The following AGAP1 variants were observed in gnomAD, a reference collection of about 807,000 sequenced individuals.
AGAP1 encodes ArfGAP with GTPase domain, ankyrin repeat and PH domain 1, also known as arf-GAP with GTPase, ANK repeat and PH domain-containing protein 1.
Under a neutral mutation model 105.3 loss-of-function variants are expected in AGAP1, and 29 were observed. The observed-to-expected ratio is 0.28, with a 90% CI of 0.21 to 0.38. The LOEUF (loss-of-function observed/expected upper bound fraction) is 0.38. AGAP1 is among the 10% of genes least tolerant of loss of function. AGAP1 has a pLI of 1.00. For synonymous variants in AGAP1, 509 were observed against 485.9 expected, an observed-to-expected ratio of 1.05 and a Z score of -0.63; for missense variants, 998 against 1,165.1, an observed-to-expected ratio of 0.86 and a Z score of 2.09.
At position 236,078,353 on chromosome 2, in the gene AGAP1, C is replaced by T. The variant is rs2058698489; in HGVS notation, c.2114+29072C>T. On this transcript the variant is annotated intron_variant, in intron 16 of 17. Coordinates refer to ENST00000304032, the MANE Select transcript of AGAP1 (RefSeq NM_001037131.3). This position sits in a 1 kb window ranked among gnomAD's most constrained non-coding sequence, Gnocchi z 5.3. ...CCACCTGCTTTCTCAAGGATAATTG[C>T]CTTTGTTTGGAGTCCATGGACTATA... Among the ~76,000 whole-genome samples the T allele has an allele frequency of 6.6e-6, 1 of 152,062 alleles. No homozygotes were observed. The highest frequency in any genetic ancestry group is 1.5e-5 in the Non-Finnish European group (1 of 68,018).
At chr2:235,946,493 T>C (rs76949347) in intron 12 of AGAP1, among the ~76,000 whole-genome samples, 2,489 of 152,210 alleles carry the variant, frequency 0.016, 22 homozygotes, top group Non-Finnish European at 0.027. Context: ...CTTAAACATG[T>C]AATATGTCCA....
chr2:236,072,624 A>G (rs1227188787), intron 16 of AGAP1: 1 of 152,112 alleles, frequency 6.6e-6, no homozygotes, highest in Non-Finnish European at 1.5e-5. Context: ...TAATTTATTT[A>G]TTTATGTAGG....
intron 16 of AGAP1, among the ~76,000 whole-genome samples, chr2:236,052,553 C>T (rs1266991424): frequency 6.6e-6 from 1 of 152,200 alleles, no homozygotes; most frequent in Non-Finnish European, 1.5e-5. Flanking sequence ...GCCGTTCAAA[C>T]TTGAGCAGCA....
At chr2:235,505,058 C>G (rs1941737058) in intron 1 of AGAP1, among the ~76,000 whole-genome samples, 1 of 152,166 alleles carries the variant, frequency 6.6e-6, no homozygotes, top group African/African-American at 2.4e-5. Context: ...TGGCTGAGCC[C>G]CAAGCAGCCT....
rs116649938 is a variant in AGAP1 at position 235,751,101 on chromosome 2, T to C, written c.673+613T>C. ...ATTCTCCTAGGAGAGCATGAGGTTCTGCAAGAGGGTCACATACTTGTGGAT... is the reference window on the plus strand; with the variant it reads ...ATTCTCCTAGGAGAGCATGAGGTTCCGCAAGAGGGTCACATACTTGTGGAT... On this transcript the variant is annotated intron_variant, in intron 6 of 17. Transcript: ENST00000304032. This position sits in a 1 kb window ranked among gnomAD's most constrained non-coding sequence, Gnocchi z 5.3. 0.018 allele frequency among the ~76,000 whole-genome samples: 2,675 copies of C among 152,244 alleles called. 36 individuals are homozygous for C. Among genetic ancestry groups the C allele is most frequent in the Middle Eastern group, 0.041 (12 of 294 alleles).
rs146567549 is a variant in AGAP1, at chr2:235,839,837, T to C, written c.1050+32506T>C. Among the ~76,000 whole-genome samples the C allele has an allele frequency of 6.8e-4, 103 of 152,290 alleles. 1 individual carries two copies. In the East Asian group the frequency reaches 0.016, roughly 24 times the overall value. ...ATGGTTTTTTATTTGCAGATTATCATTTGAAAGACATTTTGGTAGCCTGAT... is the reference window on the plus strand; with the variant it reads ...ATGGTTTTTTATTTGCAGATTATCACTTGAAAGACATTTTGGTAGCCTGAT... On this transcript the variant is annotated intron_variant, in intron 9 of 17. Coordinates refer to ENST00000304032, the MANE Select transcript of AGAP1 (RefSeq NM_001037131.3).
At chr2:235,572,976 T>TTTCTTCTTCTTCTTCTTCTTC in intron 1 of AGAP1, among the ~76,000 whole-genome samples, 1 of 104,070 alleles carries the variant, frequency 9.6e-6, no homozygotes, top group Admixed American at 9.4e-5. Flanking sequence ...CTCCATCTTT[T>TTTCTTCTTCTTCTTCTTCTTC]TTCTTCTTCT....
At position 235,901,858 on chromosome 2, in the gene AGAP1, G is replaced by A. The variant is rs1294715710; in HGVS notation, c.1156-6880G>A. On this transcript the variant is annotated intron_variant, in intron 10 of 17. Transcript: ENST00000304032. The surrounding 1 kb of genome is among the most constrained non-coding windows in gnomAD (Gnocchi z 4.3). ...CACACCACTGTACTCCAGCCTGGGC[G>A]ACAGAGTGAGACTCCGTCTCGGAAA... Among the ~76,000 whole-genome samples, 4 of 147,954 alleles carry A rather than the reference G, an allele frequency of 2.7e-5. No homozygotes were observed. The highest frequency in any genetic ancestry group is 5.0e-5 in the African/African-American group (2 of 39,688).
At chr2:235,591,548 G>A (rs1410612855) in intron 1 of AGAP1, among the ~76,000 whole-genome samples, 4 of 152,136 alleles carry the variant, frequency 2.6e-5, no homozygotes, top group East Asian at 1.9e-4. Context: ...GTTTGACCTC[G>A]AGTTTGGGAT....
In AGAP1 at chr2:235,934,897, C is replaced by G. The variant is rs1367406350; in HGVS notation, c.1483+3974C>G. Among the ~76,000 whole-genome samples, 4 of 152,116 alleles carry G rather than the reference C, an allele frequency of 2.6e-5. No individual in the cohort carries two copies. The highest frequency in any genetic ancestry group is 5.9e-5 in the Non-Finnish European group (4 of 68,024). ...TTGGGATTCACTGTTTCTCCGCCCC[C>G]CGTCCACCCTAAATTAAGACTTTGG... On this transcript the variant is annotated intron_variant, in intron 12 of 17. Coordinates refer to ENST00000304032, the MANE Select transcript of AGAP1 (RefSeq NM_001037131.3). The surrounding 1 kb of genome is among the most constrained non-coding windows in gnomAD (Gnocchi z 4.9).
chr2:235,839,693 C>G (rs1960580551), intron 9 of AGAP1, among the ~76,000 whole-genome samples: 1 of 152,150 alleles, frequency 6.6e-6, no homozygotes, highest in African/African-American at 2.4e-5. Flanking sequence ...GAGTTCGTTT[C>G]CACCCCCTTA....
In AGAP1 at chr2:235,720,754, G is replaced by T. The variant is rs1951341347; in HGVS notation, c.310+3110G>T. ...TGTCATAATCCTGACCCGTGGCTGGGATATGTAGACTGCTGGGAGGGGTGA... is the reference window on the plus strand; with the variant it reads ...TGTCATAATCCTGACCCGTGGCTGGTATATGTAGACTGCTGGGAGGGGTGA... On this transcript the variant is annotated intron_variant, in intron 3 of 17. Transcript: ENST00000304032. This position sits in a 1 kb window ranked among gnomAD's most constrained non-coding sequence, Gnocchi z 5.0. 3.1e-6 allele frequency: 3 copies of T among 974,714 alleles called. No individual in the cohort carries two copies. The highest frequency in any genetic ancestry group is 3.7e-6 in the Non-Finnish European group (3 of 820,238). The allele number at this position is 974,714 out of a possible 1,614,324, so 60.4% of individuals were successfully genotyped here.
intron 11 of AGAP1, among the ~76,000 whole-genome samples, chr2:235,929,985 C>T (rs1470878446): frequency 6.6e-6 from 1 of 152,114 alleles, no homozygotes; most frequent in Admixed American, 6.5e-5. Context: ...GCAAATAGAC[C>T]TAACAGACTA....
chr2:235,663,335 G>C lies in AGAP1; in HGVS notation c.164-45844G>C, dbSNP rs553216602. Among the ~76,000 whole-genome samples the C allele has an allele frequency of 6.6e-6, 1 of 152,166 alleles. No individual in the cohort carries two copies. The highest frequency in any genetic ancestry group is 1.5e-5 in the Non-Finnish European group (1 of 68,032). On this transcript the variant is annotated intron_variant, in intron 1 of 17. Transcript: ENST00000304032. This position sits in a 1 kb window ranked among gnomAD's most constrained non-coding sequence, Gnocchi z 5.4. ...AAAAAAAAAGAAGGGGAGCGATCAC[G>C]TGCATCCCTCTGCTGAGATGGGAGC...
intron 17 of AGAP1, among the ~76,000 whole-genome samples, chr2:236,122,972 C>T (rs1047413601): frequency 3.9e-5 from 6 of 152,258 alleles, no homozygotes; most frequent in Non-Finnish European, 7.4e-5. Flanking sequence ...CATGAGCCAC[C>T]GTGTCCGGCT....
intron 12 of AGAP1, among the ~76,000 whole-genome samples, chr2:235,932,355 G>A (rs183396434): frequency 2.2e-4 from 33 of 152,358 alleles, no homozygotes; most frequent in Middle Eastern, 3.4e-3. Context: ...TAGGCTCTTC[G>A]TGACTGAAGA....
chr2:236,120,366 C>G lies in AGAP1; in HGVS notation c.2289C>G (p.Thr763=). The change falls in exon 17 of 18, where the codon ACC becomes ACG. Residue 763 remains threonine (T), a synonymous_variant. Transcript: ENST00000304032. This position sits in a 1 kb window ranked among gnomAD's most constrained non-coding sequence, Gnocchi z 6.0. ...GCTCCCGGGACGAGGTGAACGAGACCTGCGGGGAGGGAGACGGCCGCACGG... is the reference window on the plus strand; with the variant it reads ...GCTCCCGGGACGAGGTGAACGAGACGTGCGGGGAGGGAGACGGCCGCACGG... The part of the protein sequence containing the change: ...AHGSRDEVNE[T]CGEGDGRTAL... 1 of 1,611,812 alleles carries G rather than the reference C, an allele frequency of 6.2e-7. No homozygotes were observed. The highest frequency in any genetic ancestry group is 8.5e-7 in the Non-Finnish European group (1 of 1,179,770).
rs1281156126 is a variant in AGAP1 at position 235,883,914 on chromosome 2, G to A, written c.1155+465G>A. Among the ~76,000 whole-genome samples the A allele has an allele frequency of 2.0e-5, 3 of 152,144 alleles. No individual in the cohort carries two copies. The highest frequency in any genetic ancestry group is 1.9e-4 in the East Asian group (1 of 5,190). On this transcript the variant is annotated intron_variant, in intron 10 of 17. Coordinates refer to ENST00000304032, the MANE Select transcript of AGAP1 (RefSeq NM_001037131.3). This position sits in a 1 kb window ranked among gnomAD's most constrained non-coding sequence, Gnocchi z 4.5. Reference sequence around the variant, plus strand: ...CAGATAACACATTCCAGTGCATTAGGCAAAAGAAACTCTCCTCTTTGTGTT... The same window carrying A: ...CAGATAACACATTCCAGTGCATTAGACAAAAGAAACTCTCCTCTTTGTGTT...
intron 1 of AGAP1, 111 bp downstream of exon 1, chr2:235,494,960 C>A: frequency 8.6e-7 from 1 of 1,163,536 alleles, no homozygotes; most frequent in Non-Finnish European, 1.1e-6. Context: ...GGGCACGCGG[C>A]TGCTCCGCCG....
Sources: allele counts gnomAD v4.1 joint callset (sites outside exome capture counted in the v4.1 genomes callset), GRCh38; gene constraint gnomAD v4.1.1; non-coding constraint Gnocchi (gnomAD v3.1); transcripts MANE v1.5; gene names NCBI Gene and HGNC (gene_info 2026-07-23, HGNC 2026-07-21).